The following ATF3 variants were observed in gnomAD, a reference collection of about 807,000 sequenced individuals.
ATF3 encodes the protein cyclic AMP-dependent transcription factor ATF-3.
A neutral mutation model predicts 18.4 loss-of-function variants in ATF3; 10 were observed. The ratio of observed to expected loss-of-function variants is 0.54; its 90% CI spans 0.34 to 0.92. ATF3 has a LOEUF of 0.92. ATF3 is among the 40% of genes least tolerant of loss of function. The pLI, the probability that ATF3 is intolerant of heterozygous loss-of-function variation, is 0.02. For synonymous variants in ATF3, 78 were observed against 87.9 expected (o/e 0.89, Z 0.63); for missense variants, 183 against 222.3 (o/e 0.82, Z 1.12).
At chr1:212,576,914 G>A (rs867805936) in intron 1 of ATF3, among the ~76,000 whole-genome samples, 2 of 150,716 alleles carry the variant, frequency 1.3e-5, no homozygotes, top group Non-Finnish European at 1.5e-5. Flanking sequence ...TGTATTTTTA[G>A]TAGAGACGGG....
upstream of ATF3, among the ~76,000 whole-genome samples, chr1:212,605,700 T>C (rs1346869284): frequency 6.6e-6 from 1 of 152,380 alleles, no homozygotes; most frequent in South Asian, 2.1e-4. Flanking sequence ...GAGTGGGCTG[T>C]TTTTAGTTGC....
intron 1 of ATF3, among the ~76,000 whole-genome samples, chr1:212,581,217 C>T (rs913978856): frequency 3.3e-5 from 5 of 152,252 alleles, no homozygotes; most frequent in East Asian, 3.9e-4. Context: ...TAAGGGCTGG[C>T]GCGTGCGCAG....
At chr1:212,579,980 T>TAA (rs776918394) in intron 1 of ATF3, among the ~76,000 whole-genome samples, 13 of 130,542 alleles carry the variant, frequency 1.0e-4, no homozygotes, top group Non-Finnish European at 1.3e-4. Context: ...CCGTCTCTAC[T>TAA]AAAAAAAAAA....
At position 212,619,038 on chromosome 1, in the gene ATF3, C is replaced by A. The variant is rs1211825502; in HGVS notation, c.349-320C>A. Reference sequence around the variant, plus strand: ...ACTAAGCCACCATAAGTCTGGATTTCTCCCCAGCTCCCAAGGCCCTTTTGG... The same window carrying A: ...ACTAAGCCACCATAAGTCTGGATTTATCCCCAGCTCCCAAGGCCCTTTTGG... On this transcript the variant is annotated intron_variant, in intron 3 of 3. Coordinates refer to ENST00000341491, the MANE Select transcript of ATF3 (RefSeq NM_001674.4). The surrounding 1 kb of genome is among the most constrained non-coding windows in gnomAD (Gnocchi z 4.4). The A allele has an allele frequency of 6.2e-7, 1 of 1,614,168 alleles. No homozygotes were observed. Among genetic ancestry groups the A allele is most frequent in the Non-Finnish European group, 8.5e-7 (1 of 1,180,024 alleles).
chr1:212,573,267 G>C (rs1292151137), intron 1 of ATF3, among the ~76,000 whole-genome samples: 1 of 151,916 alleles, frequency 6.6e-6, no homozygotes, highest in African/African-American at 2.4e-5. Context: ...AACACTTTTT[G>C]TTATGTTAAT....
intron 1 of ATF3, among the ~76,000 whole-genome samples, chr1:212,609,237 C>T (rs1014120752): frequency 6.6e-6 from 1 of 152,250 alleles, no homozygotes; most frequent in Non-Finnish European, 1.5e-5. Context: ...TCTCCGCCGA[C>T]GGCGCTGGCT....
At chr1:212,577,045 C>A (rs1427068807) in intron 1 of ATF3, among the ~76,000 whole-genome samples, 2 of 151,956 alleles carry the variant, frequency 1.3e-5, no homozygotes, top group Non-Finnish European at 2.9e-5. Context: ...ATAAAATATT[C>A]TTTAGTAGTT....
At chr1:212,607,258 T>C (rs1654661915), upstream of ATF3, among the ~76,000 whole-genome samples, 1 of 152,112 alleles carries the variant, frequency 6.6e-6, no homozygotes, top group African/African-American at 2.4e-5. Context: ...ACTGTGACCT[T>C]CGGCCGCCTC....
chr1:212,613,685 G>A (rs890868047), intron 1 of ATF3: 2 of 151,990 alleles, frequency 1.3e-5, no homozygotes, highest in Non-Finnish European at 2.9e-5. Flanking sequence ...ATCCCCGGTT[G>A]AGAGGAATGC....
At chr1:212,575,972 T>A (rs1359506062) in intron 1 of ATF3, among the ~76,000 whole-genome samples, 2 of 152,136 alleles carry the variant, frequency 1.3e-5, no homozygotes, top group Admixed American at 1.3e-4. Context: ...GGCTTTAATA[T>A]CTCAAAAAAT....
Position 212,618,355 on chromosome 1 carries a change from T to C in ATF3, c.348+121T>C. On this transcript the variant is annotated intron_variant, in intron 3 of 3. Coordinates refer to ENST00000341491, the MANE Select transcript of ATF3 (RefSeq NM_001674.4). This position sits in a 1 kb window ranked among gnomAD's most constrained non-coding sequence, Gnocchi z 4.4. ...GGTTATAGTTTCCCAAGAAGGGCCT[T>C]GTAGCTGGTAGCAGAAATGCCAGTT... 2.0e-6 allele frequency: 2 copies of C among 1,008,476 alleles called. No individual in the cohort carries two copies. The highest frequency in any genetic ancestry group is 3.5e-5 in the Admixed American group (2 of 57,568). 62.5% of individuals were successfully genotyped at this position (1,008,476 alleles called of 1,614,324 possible). A position where few individuals can be genotyped will look rare whatever the true frequency, so the allele number is the denominator to read the frequency against.
chr1:212,593,747 A>T (rs1261648106), intron 1 of ATF3, among the ~76,000 whole-genome samples: 754 of 38,176 alleles, frequency 0.02, 2 homozygotes, highest in African/African-American at 0.064. Flanking sequence ...TCTCTTTAAA[A>T]AAAAAAAAAA....
chr1:212,570,082 G>A (rs2102619163), intron 1 of ATF3, among the ~76,000 whole-genome samples: 1 of 152,098 alleles, frequency 6.6e-6, no homozygotes, highest in South Asian at 2.1e-4. Context: ...TATCTGCAGT[G>A]ATTTAAAATG....
rs140595318 is a variant in ATF3 at position 212,615,081 on chromosome 1, C to A, written c.60C>A (p.Val20=). ...CGGAAGTGAGTGCTTCTGCCATCGT[C>A]CCCTGCCTGTCCCCTCCTGGGTCAC... is the stretch of plus-strand genomic sequence containing the variant. The part of the protein sequence containing the change: ...SASEVSASAI[V]PCLSPPGSLV... Residue 20 remains valine (V), a synonymous_variant, in exon 2 of 4, where the codon GTC becomes GTA. Transcript: ENST00000341491. 6.5e-4 allele frequency: 1,057 copies of A among 1,614,182 alleles called. 2 individuals carry two copies. The highest frequency in any genetic ancestry group is 8.1e-4 in the Non-Finnish European group (952 of 1,180,038).
At chr1:212,571,247 T>C (rs1664474516) in intron 1 of ATF3, among the ~76,000 whole-genome samples, 1 of 152,204 alleles carries the variant, frequency 6.6e-6, no homozygotes, top group Non-Finnish European at 1.5e-5. Context: ...TTCCGGTTTT[T>C]CTTTATTTTA....
At chr1:212,583,023 G>A (rs1408692658) in intron 1 of ATF3, among the ~76,000 whole-genome samples, 2 of 152,140 alleles carry the variant, frequency 1.3e-5, no homozygotes, top group Non-Finnish European at 2.9e-5. Context: ...CAGGGAAAGG[G>A]AAAGCGCTAA....
At chr1:212,613,695 C>T (rs536076419) in intron 1 of ATF3, 22 of 152,070 alleles carry the variant, frequency 1.4e-4, no homozygotes, top group Admixed American at 1.3e-3. Flanking sequence ...GAGAGGAATG[C>T]CCAGACCACA....
At chr1:212,605,399 A>G (rs1654594458), upstream of ATF3, among the ~76,000 whole-genome samples, 1 of 152,168 alleles carries the variant, frequency 6.6e-6, no homozygotes, top group African/African-American at 2.4e-5. Flanking sequence ...AATAAAGTAT[A>G]AGAAAATGGA....
chr1:212,611,396 G>A (rs1654888474), intron 1 of ATF3, among the ~76,000 whole-genome samples: 1 of 152,220 alleles, frequency 6.6e-6, no homozygotes. Context: ...ACTACCCGGT[G>A]TGTATGTAAA....
Sources: allele counts gnomAD v4.1 joint callset (sites outside exome capture counted in the v4.1 genomes callset), GRCh38; gene constraint gnomAD v4.1.1; non-coding constraint Gnocchi (gnomAD v3.1); transcripts MANE v1.5; gene names NCBI Gene and HGNC (gene_info 2026-07-23, HGNC 2026-07-21).